Variants in NDUFAF6 observed in about 807,000 individuals in gnomAD.
NDUFAF6 encodes NADH:ubiquinone oxidoreductase complex assembly factor 6.
Under a neutral mutation model 40.8 loss-of-function variants are expected in NDUFAF6, and 45 were observed. The ratio of observed to expected loss-of-function variants is 1.10; its 90% CI spans 0.87 to 1.42. NDUFAF6 has a LOEUF of 1.42. NDUFAF6 is among the 40% of genes most tolerant of loss of function. NDUFAF6 has a pLI of 0.00. For synonymous variants in NDUFAF6, 185 were observed against 155.9 expected, an observed-to-expected ratio of 1.19 and a Z score of -1.39; for missense variants, 435 against 418.5, an observed-to-expected ratio of 1.04 and a Z score of -0.34.
chr8:94,920,095 T>G (rs575679647), intron 1 of NDUFAF6, among the ~76,000 whole-genome samples: 6 of 152,292 alleles, frequency 3.9e-5, no homozygotes, highest in African/African-American at 1.4e-4. Context: ...ATGGCTGCTG[T>G]AACAGTTTGA....
At chr8:94,934,001 CG>C (rs1820716642) in intron 1 of NDUFAF6, among the ~76,000 whole-genome samples, 1 of 148,808 alleles carries the variant, frequency 6.7e-6, no homozygotes, top group Admixed American at 6.7e-5. Context: ...TGCTTGAACC[CG>C]GGAGGCAGAG....
At chr8:95,047,786 G>C (rs1201661409) in intron 6 of NDUFAF6, among the ~76,000 whole-genome samples, 2 of 151,982 alleles carry the variant, frequency 1.3e-5, no homozygotes, top group Non-Finnish European at 2.9e-5. Context: ...TGGGATTACA[G>C]GCATGAGCCA....
intron 2 of NDUFAF6, among the ~76,000 whole-genome samples, chr8:94,946,868 A>AT (rs1208700714): frequency 6.6e-6 from 1 of 152,120 alleles, no homozygotes; most frequent in Non-Finnish European, 1.5e-5. Flanking sequence ...CAGTGTAAGG[A>AT]TTAAGTGTAT....
chr8:94,908,923 C>G (rs1177287605), intron 1 of NDUFAF6, among the ~76,000 whole-genome samples: 1 of 152,102 alleles, frequency 6.6e-6, no homozygotes, highest in East Asian at 1.9e-4. Context: ...CATTTTATAA[C>G]TAGAATTATA....
chr8:95,029,166 G>A (rs1050581954), intron 1 of NDUFAF6, among the ~76,000 whole-genome samples: 25 of 152,166 alleles, frequency 1.6e-4, no homozygotes, highest in African/African-American at 6.0e-4. Context: ...ATGAGGCCCA[G>A]GTTAGACTCA....
chr8:94,987,494 T>C (rs1472640174), intron 2 of NDUFAF6, among the ~76,000 whole-genome samples: 1 of 127,138 alleles, frequency 7.9e-6, no homozygotes, highest in Non-Finnish European at 1.7e-5. Context: ...GGACTCAATA[T>C]GTTCCCAGCC....
intron 1 of NDUFAF6, among the ~76,000 whole-genome samples, chr8:94,971,234 G>A (rs764005622): frequency 3.9e-5 from 6 of 152,232 alleles, no homozygotes; most frequent in East Asian, 1.9e-4. Flanking sequence ...ATTTTGGAGC[G>A]TACTTAGCTG....
At chr8:94,980,442 GTTTT>G (rs869184585) in intron 1 of NDUFAF6, among the ~76,000 whole-genome samples, 4 of 107,900 alleles carry the variant, frequency 3.7e-5, no homozygotes, top group African/African-American at 3.6e-5. Context: ...TGGTTTTTTT[GTTTT>G]TTTTTTTTTT....
intron 8 of NDUFAF6, chr8:95,055,422 A>G (rs1243211939): frequency 6.6e-6 from 1 of 152,210 alleles, no homozygotes. Context: ...ACTTCATGTT[A>G]GTGTACTGTT....
At chr8:95,078,819 A>G (rs1026405849), downstream of NDUFAF6, among the ~76,000 whole-genome samples, 1 of 151,862 alleles carries the variant, frequency 6.6e-6, no homozygotes, top group African/African-American at 2.4e-5. Context: ...AGGCTTCTCA[A>G]CCTGGTTTCT....
At chr8:95,062,813 T>C (rs932208409), downstream of NDUFAF6, among the ~76,000 whole-genome samples, 1 of 152,200 alleles carries the variant, frequency 6.6e-6, no homozygotes, top group Non-Finnish European at 1.5e-5. Flanking sequence ...GAACCTAAAG[T>C]AGATCCTGTT....
chr8:94,964,962 C>T (rs1283440154), intron 1 of NDUFAF6, among the ~76,000 whole-genome samples: 1 of 152,192 alleles, frequency 6.6e-6, no homozygotes, highest in African/African-American at 2.4e-5. Context: ...CTTCTCAGGT[C>T]CAGCATCTCT....
rs1360546011 is a variant in NDUFAF6, at chr8:94,989,701, A to T, written c.-84+8728A>T. Among the ~76,000 whole-genome samples the T allele has an allele frequency of 2.6e-5, 4 of 152,196 alleles. 1 individual carries two copies. The East Asian group carries it at 5.8e-4, about 22-fold the overall frequency. On this transcript the variant is annotated intron_variant, in intron 2 of 9. Coordinates refer to the NDUFAF6 transcript ENST00000396111. ...TTGACAGTGACTTGGACTTTTGGGG[A>T]TTATACCTGTTCCATTGCTAAGAGA... is the stretch of plus-strand genomic sequence containing the variant.
At chr8:95,023,239 T>A, upstream of NDUFAF6, 1 of 152,188 alleles carries the variant, frequency 6.6e-6, no homozygotes, top group East Asian at 1.9e-4. Flanking sequence ...CAGGGAAATA[T>A]GCACTGTCCT....
intron 1 of NDUFAF6, among the ~76,000 whole-genome samples, chr8:94,975,571 A>G (rs1824848739): frequency 6.6e-6 from 1 of 152,136 alleles, no homozygotes; most frequent in Non-Finnish European, 1.5e-5. Context: ...GACTGTTGTT[A>G]TGATGCTCTT....
intron 4 of NDUFAF6, among the ~76,000 whole-genome samples, chr8:95,114,569 C>G (rs1401234342): frequency 6.6e-6 from 1 of 152,218 alleles, no homozygotes; most frequent in Non-Finnish European, 1.5e-5. Context: ...GTTGGCAGAT[C>G]TGTCACACCG....
At chr8:94,944,974 TC>T (rs1208738375) in intron 1 of NDUFAF6, among the ~76,000 whole-genome samples, 1 of 152,040 alleles carries the variant, frequency 6.6e-6, no homozygotes, top group East Asian at 1.9e-4. Flanking sequence ...GGAGAGACCC[TC>T]CCCCCATTGC....
chr8:95,101,557 T>G (rs867905382), intron 2 of NDUFAF6, among the ~76,000 whole-genome samples: 5 of 152,302 alleles, frequency 3.3e-5, no homozygotes, highest in Middle Eastern at 3.4e-3. Context: ...CTTCCACCCC[T>G]TGGCCCTAAT....
chr8:95,065,069 C>T lies in NDUFAF6; in HGVS notation c.*512-10564C>T, dbSNP rs146866431. Among the ~76,000 whole-genome samples, 6 of 152,328 alleles carry T rather than the reference C, an allele frequency of 3.9e-5. No individual in the cohort carries two copies. The East Asian group carries it at 7.7e-4, about 20-fold the overall frequency. On this transcript the variant is annotated intron_variant and NMD_transcript_variant, in intron 9 of 9. Transcript: ENST00000520757. ...GCTTCATGCCCCTTCCCCCATATGTCACCATGCAGCTCTTCATCTGTATCC... is the reference window on the plus strand; with the variant it reads ...GCTTCATGCCCCTTCCCCCATATGTTACCATGCAGCTCTTCATCTGTATCC...
Sources: allele counts gnomAD v4.1 joint callset (sites outside exome capture counted in the v4.1 genomes callset), GRCh38; gene constraint gnomAD v4.1.1; transcripts MANE v1.5; gene names NCBI Gene and HGNC (gene_info 2026-07-23, HGNC 2026-07-21).